Variants in ATF7 observed in about 807,000 individuals in gnomAD.
ATF7 encodes the protein activating transcription factor 7.
A neutral mutation model predicts 50.4 loss-of-function variants in ATF7; 10 were observed. The observed-to-expected ratio is 0.20, with a 90% CI of 0.12 to 0.34. The LOEUF is 0.34. Ranked by LOEUF, ATF7 falls within the 10% of genes least tolerant of loss-of-function variation. ATF7 has a pLI of 1.00. For missense variants in ATF7, 465 were observed against 613.9 expected, an observed-to-expected ratio of 0.76 and a Z score of 2.56; for synonymous variants, 201 against 226.4, an observed-to-expected ratio of 0.89 and a Z score of 1.01.
chr12:53,543,548 G>A (rs1438411337), intron 3 of ATF7, 100 bp from the exon 4 acceptor site: 37 of 1,294,740 alleles, frequency 2.9e-5, no homozygotes, highest in Non-Finnish European at 3.6e-5. Flanking sequence ...TTTTTGATTT[G>A]GAGAGAGAGT....
chr12:53,601,684 C>T (rs1943414562), intron 1 of ATF7, among the ~76,000 whole-genome samples: 3 of 152,158 alleles, frequency 2.0e-5, no homozygotes. Flanking sequence ...ATTCTATTTA[C>T]GGCTAGGTTT....
intron 2 of ATF7, chr12:53,574,901 C>A (rs908445873): frequency 1.9e-5 from 6 of 318,118 alleles, no homozygotes; most frequent in African/African-American, 1.1e-4. Flanking sequence ...AGAGGGTGAG[C>A]AAGACTTTAG....
At position 53,559,556 on chromosome 12, in the gene ATF7, G is replaced by T. The variant is rs181783976; in HGVS notation, c.49-6919C>A. ...CAGCTGCGTGTGGAGGCGCGTGCCT[G>T]TAGTCCCAGCTACTCGGGAGGCTGA... On this transcript the variant is annotated intron_variant, in intron 2 of 11. Coordinates refer to ENST00000420353, the MANE Select transcript of ATF7 (RefSeq NM_006856.3). Among the ~76,000 whole-genome samples, 232 of 151,892 alleles carry T rather than the reference G, an allele frequency of 1.5e-3. 3 individuals are homozygous for T. Among genetic ancestry groups the T allele is most frequent in the African/African-American group, 5.2e-3 (214 of 41,410 alleles).
chr12:53,609,261 T>TCTC (rs1463618758), intron 1 of ATF7, among the ~76,000 whole-genome samples: 2 of 151,710 alleles, frequency 1.3e-5, no homozygotes, highest in Admixed American at 1.3e-4. Flanking sequence ...TTCAAGCGAT[T>TCTC]CTCCTGCCTC....
At chr12:53,520,845 T>C (rs1938078186) in intron 11 of ATF7, among the ~76,000 whole-genome samples, 1 of 152,122 alleles carries the variant, frequency 6.6e-6, no homozygotes, top group Admixed American at 6.5e-5. Context: ...TCTCATCACT[T>C]TAACTTCAAA....
chr12:53,613,519 T>G (rs1943985074), intron 1 of ATF7, among the ~76,000 whole-genome samples: 1 of 152,022 alleles, frequency 6.6e-6, no homozygotes, highest in Non-Finnish European at 1.5e-5. Context: ...CCTCAATTAT[T>G]ATTTTATTTT....
intron 2 of ATF7, among the ~76,000 whole-genome samples, chr12:53,582,541 T>TA (rs1209035873): frequency 6.6e-6 from 1 of 152,048 alleles, no homozygotes; most frequent in Non-Finnish European, 1.5e-5. Flanking sequence ...AGTGTGGTAC[T>TA]AGAAAAAGAA....
At chr12:53,601,967 A>G (rs553566127) in intron 1 of ATF7, among the ~76,000 whole-genome samples, 3 of 152,374 alleles carry the variant, frequency 2.0e-5, no homozygotes, top group East Asian at 1.9e-4. Flanking sequence ...TTGAAGAACA[A>G]TAATTCCAAT....
intron 5 of ATF7, 103 bp from the exon 6 acceptor site, chr12:53,534,762 G>T: frequency 7.7e-7 from 1 of 1,302,510 alleles, no homozygotes; most frequent in Non-Finnish European, 1.1e-6. Context: ...AAGAGCATTA[G>T]AGCCACTCAT....
At chr12:53,523,461 G>T in intron 10 of ATF7, 77 bp from the exon 11 acceptor site, 1 of 1,075,578 alleles carries the variant, frequency 9.3e-7, no homozygotes, top group Non-Finnish European at 1.4e-6. Flanking sequence ...GTTCCCAAAG[G>T]AAGGACAGAA....
intron 11 of ATF7, chr12:53,522,634 G>A (rs1938192002): frequency 6.6e-6 from 1 of 152,236 alleles, no homozygotes; most frequent in South Asian, 2.1e-4. Context: ...TTGGGAGGCT[G>A]AGGAGGGTGG....
At chr12:53,525,780 GAAGA>G (rs1312641294) in intron 9 of ATF7, among the ~76,000 whole-genome samples, 1 of 152,156 alleles carries the variant, frequency 6.6e-6, no homozygotes, top group Non-Finnish European at 1.5e-5. Context: ...TGCACTTGGA[GAAGA>G]AAGACCAATT....
At chr12:53,601,110 A>C in intron 1 of ATF7, 89 bp from the exon 2 acceptor site, 3 of 964,038 alleles carry the variant, frequency 3.1e-6, no homozygotes, top group Non-Finnish European at 4.7e-6. Context: ...CAACCCTAGA[A>C]ACAGGTGTTC....
intron 11 of ATF7, among the ~76,000 whole-genome samples, chr12:53,522,280 T>A (rs1308069047): frequency 6.6e-6 from 1 of 152,084 alleles, no homozygotes; most frequent in Non-Finnish European, 1.5e-5. Flanking sequence ...CTAGATGTGC[T>A]GGGCGCGGTA....
Position 53,568,930 on chromosome 12 carries a change from G to A in ATF7, c.49-16293C>T, listed in dbSNP as rs1004784614. On this transcript the variant is annotated intron_variant, in intron 2 of 11. Coordinates refer to ENST00000420353, the MANE Select transcript of ATF7 (RefSeq NM_006856.3). ...TAATCCCAGCTACTTGGGAGGCTGA[G>A]GCAGGAGGATCACCTGAGGAATTTG... 1.2e-4 allele frequency among the ~76,000 whole-genome samples: 18 copies of A among 152,262 alleles called. No homozygotes were observed. In the East Asian group the frequency reaches 2.5e-3, roughly 21 times the overall value.
At chr12:53,621,679 C>T (rs1298977210) in intron 1 of ATF7, among the ~76,000 whole-genome samples, 2 of 150,188 alleles carry the variant, frequency 1.3e-5, no homozygotes, top group Non-Finnish European at 3.0e-5. Context: ...ATCCCAACTA[C>T]TCTGGTGGCT....
intron 5 of ATF7, among the ~76,000 whole-genome samples, chr12:53,535,529 G>A (rs965904993): frequency 1.3e-4 from 20 of 151,990 alleles, no homozygotes; most frequent in African/African-American, 4.6e-4. Flanking sequence ...GGCTTCTGAG[G>A]TTCTAAGAAA....
At chr12:53,539,886 T>C (rs1056737094) in intron 4 of ATF7, among the ~76,000 whole-genome samples, 5 of 150,752 alleles carry the variant, frequency 3.3e-5, no homozygotes, top group South Asian at 2.1e-4. Context: ...GTGGGCAACA[T>C]GGCAAAACCC....
chr12:53,616,284 G>A (rs149623015), intron 1 of ATF7, among the ~76,000 whole-genome samples: 2 of 152,204 alleles, frequency 1.3e-5, no homozygotes, highest in East Asian at 1.9e-4. Flanking sequence ...GTGCAGTGGC[G>A]TGATGTCAGC....
Sources: allele counts gnomAD v4.1 joint callset (sites outside exome capture counted in the v4.1 genomes callset), GRCh38; gene constraint gnomAD v4.1.1; transcripts MANE v1.5; gene names NCBI Gene and HGNC (gene_info 2026-07-23, HGNC 2026-07-21).